Variants in LRMDA observed in about 807,000 individuals in gnomAD.
LRMDA encodes the protein leucine rich melanocyte differentiation associated.
A neutral mutation model predicts 29.8 loss-of-function variants in LRMDA; 18 were observed. The ratio of observed to expected loss-of-function variants is 0.60; its 90% CI spans 0.42 to 0.90. The LOEUF is 0.90. Among genes scored for constraint, LRMDA ranks in the 40% least tolerant of loss-of-function variants. The probability of loss-of-function intolerance (pLI) is 0.00; values close to 1 mark genes in which losing one functional copy is unlikely to be tolerated. For synonymous variants in LRMDA, 125 were observed against 109.4 expected (o/e 1.14, Z -0.89); for missense variants, 273 against 273.9 (o/e 1.00, Z 0.02).
chr10:75,519,538 T>C (rs1312865723), intron 2 of LRMDA, among the ~76,000 whole-genome samples: 1 of 152,228 alleles, frequency 6.6e-6, no homozygotes, highest in African/African-American at 2.4e-5. Flanking sequence ...GCTTGGTAGA[T>C]CTTCCTCCAT....
At chr10:75,881,946 TG>T (rs1371923901) in intron 2 of LRMDA, among the ~76,000 whole-genome samples, 1 of 152,214 alleles carries the variant, frequency 6.6e-6, no homozygotes, top group African/African-American at 2.4e-5. Context: ...AAAAAGGATA[TG>T]GTGTTGTGGT....
chr10:76,362,621 G>C (rs1411178201), intron 6 of LRMDA, among the ~76,000 whole-genome samples: 1 of 152,122 alleles, frequency 6.6e-6, no homozygotes, highest in East Asian at 1.9e-4. Context: ...CCCTGGTGGG[G>C]TTGGGCTTCA....
intron 5 of LRMDA, among the ~76,000 whole-genome samples, chr10:76,169,163 G>A (rs553987624): frequency 1.3e-5 from 2 of 152,298 alleles, no homozygotes; most frequent in Non-Finnish European, 2.9e-5. Context: ...TGCAGGCACA[G>A]CAATTAGATT....
intron 5 of LRMDA, among the ~76,000 whole-genome samples, chr10:76,117,708 TA>T (rs998015509): frequency 1.3e-5 from 2 of 152,208 alleles, no homozygotes; most frequent in Non-Finnish European, 2.9e-5. Context: ...GGGAATCATC[TA>T]GGACCAAACT....
chr10:75,743,904 C>T (rs995665018), intron 2 of LRMDA: 3 of 152,172 alleles, frequency 2.0e-5, no homozygotes, highest in African/African-American at 7.2e-5. Flanking sequence ...AAGTGCTCCC[C>T]ACAACCCAAA....
At chr10:76,119,057 A>G (rs1045613691) in intron 5 of LRMDA, among the ~76,000 whole-genome samples, 2 of 152,034 alleles carry the variant, frequency 1.3e-5, no homozygotes, top group Non-Finnish European at 2.9e-5. Flanking sequence ...TCCTTATTTT[A>G]TCTTAATTAG....
At chr10:76,349,204 T>A (rs1841145259) in intron 6 of LRMDA, among the ~76,000 whole-genome samples, 2 of 152,160 alleles carry the variant, frequency 1.3e-5, no homozygotes, top group African/African-American at 4.8e-5. Flanking sequence ...CAAACTTTTA[T>A]CACAAATGGC....
intron 5 of LRMDA, among the ~76,000 whole-genome samples, chr10:76,254,413 G>GCTATGCTATGCTATGCTATGCTATA (rs1564701595): frequency 6.9e-6 from 1 of 144,880 alleles, no homozygotes; most frequent in Admixed American, 6.8e-5. Context: ...GCTATGCTAT[G>GCTATGCTATGCTATGCTATGCTATA]CTATACTATA....
At chr10:75,848,658 C>T (rs1844681399) in intron 2 of LRMDA, among the ~76,000 whole-genome samples, 1 of 152,086 alleles carries the variant, frequency 6.6e-6, no homozygotes, top group African/African-American at 2.4e-5. Flanking sequence ...CACAATACCC[C>T]AGATGCATTA....
At chr10:76,101,092 T>C (rs1849387864) in intron 5 of LRMDA, among the ~76,000 whole-genome samples, 1 of 152,258 alleles carries the variant, frequency 6.6e-6, no homozygotes, top group Non-Finnish European at 1.5e-5. Context: ...CCAGCTCTTT[T>C]TTTTTATTGC....
At chr10:76,222,100 C>A (rs11498044) in intron 5 of LRMDA, among the ~76,000 whole-genome samples, 6 of 151,814 alleles carry the variant, frequency 4.0e-5, no homozygotes, top group Middle Eastern at 3.4e-3. Flanking sequence ...CTTCCTTACA[C>A]CTTATACAAA....
At chr10:76,288,696 C>T (rs1054255341) in intron 5 of LRMDA, among the ~76,000 whole-genome samples, 2 of 152,128 alleles carry the variant, frequency 1.3e-5, no homozygotes, top group Admixed American at 1.3e-4. Context: ...TACTACAATT[C>T]TTTTTAAATG....
chr10:76,000,446 C>T (rs991340202), intron 2 of LRMDA, among the ~76,000 whole-genome samples: 1 of 152,154 alleles, frequency 6.6e-6, no homozygotes, highest in African/African-American at 2.4e-5. Flanking sequence ...TGTCTTAGTT[C>T]CCCTGGATGA....
intron 2 of LRMDA, among the ~76,000 whole-genome samples, chr10:75,814,754 G>A (rs1007212457): frequency 1.4e-4 from 22 of 152,220 alleles, no homozygotes; most frequent in African/African-American, 5.1e-4. Context: ...TGTATACACA[G>A]CAGAGCCTTT....
rs1343466016 is a variant in LRMDA at position 75,455,759 on chromosome 10, A to G, written c.131+17265A>G. On this transcript the variant is annotated intron_variant, in intron 2 of 6. Coordinates refer to ENST00000611255, the MANE Select transcript of LRMDA (RefSeq NM_001305581.2). Reference sequence around the variant, plus strand: ...TATAATAGAGGTTCTCATGCCCAAGAAGTTGTCAGAAGGGAGAGCATCTTC... The same window carrying G: ...TATAATAGAGGTTCTCATGCCCAAGGAGTTGTCAGAAGGGAGAGCATCTTC... Among the ~76,000 whole-genome samples the G allele has an allele frequency of 2.0e-5, 3 of 152,190 alleles. No individual in the cohort carries two copies. The East Asian group carries it at 5.8e-4, about 29-fold the overall frequency.
intron 6 of LRMDA, among the ~76,000 whole-genome samples, chr10:76,361,741 T>C (rs1448069694): frequency 6.6e-6 from 1 of 152,182 alleles, no homozygotes; most frequent in Non-Finnish European, 1.5e-5. Flanking sequence ...TGAAGAGATA[T>C]GTGCCAGAAA....
chr10:75,583,988 C>A (rs1344401297), intron 2 of LRMDA, among the ~76,000 whole-genome samples: 2 of 152,160 alleles, frequency 1.3e-5, no homozygotes, highest in African/African-American at 2.4e-5. Flanking sequence ...TCCCAGCCCC[C>A]CCATAGGGAC....
intron 2 of LRMDA, among the ~76,000 whole-genome samples, chr10:75,659,993 A>G (rs999750077): frequency 1.3e-5 from 2 of 152,100 alleles, no homozygotes; most frequent in Non-Finnish European, 1.5e-5. Flanking sequence ...CCTAAGTCAT[A>G]GGCGACTTTC....
At chr10:76,157,208 T>G (rs1028410200) in intron 5 of LRMDA, among the ~76,000 whole-genome samples, 4 of 152,166 alleles carry the variant, frequency 2.6e-5, no homozygotes, top group African/African-American at 9.7e-5. Flanking sequence ...ATGATCCAGT[T>G]TCCACGTCAG....
Sources: gnomAD v4.1 joint callset for allele counts (sites outside exome capture counted in the v4.1 genomes callset) on GRCh38, gnomAD v4.1.1 for gene constraint, MANE v1.5 for transcripts, NCBI Gene and HGNC (gene_info 2026-07-23, HGNC 2026-07-21) for gene names.